Variants in ANAPC10 observed in about 807,000 individuals in gnomAD.
ANAPC10 encodes the protein anaphase promoting complex subunit 10.
In ANAPC10, 12 loss-of-function variants were observed where a neutral mutation model predicts 22.0. The observed-to-expected ratio is 0.55, with a 90% CI of 0.35 to 0.88. The LOEUF is 0.88. Ranked by LOEUF, ANAPC10 falls within the 40% of genes least tolerant of loss-of-function variation. The pLI, the probability that ANAPC10 is intolerant of heterozygous loss-of-function variation, is 0.01. For synonymous variants in ANAPC10, 65 were observed against 69.5 expected (o/e 0.94, Z 0.32); for missense variants, 188 against 220.9 (o/e 0.85, Z 0.94).
chr4:145,074,926 C>A (rs979439879), intron 3 of ANAPC10, among the ~76,000 whole-genome samples: 1 of 152,134 alleles, frequency 6.6e-6, no homozygotes, highest in Non-Finnish European at 1.5e-5. Flanking sequence ...AGTATAAATC[C>A]TTCAAATTAC....
At chr4:144,997,828 G>A (rs950768589) in intron 4 of ANAPC10, among the ~76,000 whole-genome samples, 1 of 152,090 alleles carries the variant, frequency 6.6e-6, no homozygotes, top group African/African-American at 2.4e-5. Context: ...GCTGCATTCA[G>A]GAGACCCATC....
intron 2 of ANAPC10, among the ~76,000 whole-genome samples, chr4:145,093,216 T>C (rs1404764873): frequency 1.3e-5 from 2 of 152,094 alleles, no homozygotes; most frequent in Non-Finnish European, 2.9e-5. Flanking sequence ...TAAGAAAATG[T>C]CTCTGGCACA....
intron 4 of ANAPC10, among the ~76,000 whole-genome samples, chr4:145,024,415 T>C (rs182886037): frequency 1.3e-5 from 2 of 152,350 alleles, no homozygotes; most frequent in East Asian, 1.9e-4. Context: ...TAATGCCTTA[T>C]GAAATGTATA....
At chr4:145,030,836 C>G (rs1346428184) in intron 4 of ANAPC10, among the ~76,000 whole-genome samples, 1 of 152,212 alleles carries the variant, frequency 6.6e-6, no homozygotes, top group East Asian at 1.9e-4. Context: ...GTGCCACCAT[C>G]AAGGACTTGA....
intron 4 of ANAPC10, among the ~76,000 whole-genome samples, chr4:145,012,174 G>GTA (rs201493778): frequency 0.23 from 30,237 of 132,652 alleles, 3,533 homozygotes; most frequent in East Asian, 0.36. Context: ...ATGTGTGTGT[G>GTA]TGTATATATA....
intron 4 of ANAPC10, among the ~76,000 whole-genome samples, chr4:145,026,945 A>ATATATATGTGTG (rs1287102797): frequency 1.3e-3 from 23 of 17,150 alleles, no homozygotes; most frequent in Non-Finnish European, 2.0e-3. Flanking sequence ...ATATATATAT[A>ATATATATGTGTG]TGTGTGTGTG....
intron 2 of ANAPC10, among the ~76,000 whole-genome samples, chr4:145,086,769 C>T (rs1486489820): frequency 6.6e-6 from 1 of 151,836 alleles, no homozygotes; most frequent in Non-Finnish European, 1.5e-5. Context: ...CCCAACTCCC[C>T]CCACCCTCAT....
intron 4 of ANAPC10, among the ~76,000 whole-genome samples, chr4:145,022,601 A>G (rs564475426): frequency 2.6e-5 from 4 of 152,114 alleles, no homozygotes; most frequent in African/African-American, 9.6e-5. Context: ...ATCACCACTA[A>G]AGAACTTACA....
At chr4:145,045,007 C>T (rs905136474) in intron 4 of ANAPC10, among the ~76,000 whole-genome samples, 1 of 151,646 alleles carries the variant, frequency 6.6e-6, no homozygotes, top group African/African-American at 2.4e-5. Flanking sequence ...AGCTATTATG[C>T]CTACTTTTGC....
chr4:145,064,373 A>G, intron 4 of ANAPC10, 199 bp downstream of exon 4: 1 of 375,616 alleles, frequency 2.7e-6, no homozygotes, highest in Non-Finnish European at 4.7e-6. Flanking sequence ...TGAAAATTTC[A>G]ATAATAAAAT....
chr4:145,069,648 G>A (rs1744204084), intron 3 of ANAPC10, among the ~76,000 whole-genome samples: 1 of 152,216 alleles, frequency 6.6e-6, no homozygotes, highest in African/African-American at 2.4e-5. Flanking sequence ...ATCTTAAAGA[G>A]TGGTCTGGGG....
intron 3 of ANAPC10, among the ~76,000 whole-genome samples, chr4:145,075,571 C>A (rs1036822671): frequency 6.6e-6 from 1 of 151,838 alleles, no homozygotes; most frequent in Admixed American, 6.6e-5. Context: ...ACCAAGCAGA[C>A]CCTGGGCTGA....
chr4:145,020,155 C>A (rs1735766945), intron 4 of ANAPC10, among the ~76,000 whole-genome samples: 1 of 152,132 alleles, frequency 6.6e-6, no homozygotes, highest in Admixed American at 6.6e-5. Context: ...AGACCCATAT[C>A]CCTGATGAAC....
chr4:145,064,538 G>A (rs749794176), intron 4 of ANAPC10, 34 bp downstream of exon 4: 3 of 1,558,930 alleles, frequency 1.9e-6, no homozygotes, highest in Non-Finnish European at 1.8e-6. Flanking sequence ...AAAAGTTAAA[G>A]GATGACATAT....
intron 2 of ANAPC10, among the ~76,000 whole-genome samples, chr4:145,082,859 G>A (rs1368816872): frequency 6.6e-6 from 1 of 152,242 alleles, no homozygotes; most frequent in East Asian, 1.9e-4. Flanking sequence ...TTTACACTAA[G>A]TAATATATTC....
intron 3 of ANAPC10, among the ~76,000 whole-genome samples, chr4:145,079,794 G>A (rs1745700712): frequency 6.6e-6 from 1 of 152,122 alleles, no homozygotes; most frequent in African/African-American, 2.4e-5. Context: ...AATATTGCAT[G>A]TTCTCACTTA....
Position 144,995,217 on chromosome 4 carries a change from G to T in ANAPC10, c.*156C>A. 1 of 452,136 alleles carries T rather than the reference G, an allele frequency of 2.2e-6. No homozygotes were observed. Among genetic ancestry groups the T allele is most frequent in the South Asian group, 5.7e-5 (1 of 17,550 alleles). The allele number at this position is 452,136 out of a possible 1,614,324, so 28.0% of individuals were successfully genotyped here. A position where few individuals can be genotyped will look rare whatever the true frequency, so the allele number is the denominator to read the frequency against. ...ATGTTAAAGAAAATAAAGATAATAT[G>T]ACCCCAAATTTATTTGTCAAAGTTA... On this transcript the variant is annotated 3_prime_UTR_variant, in exon 5 of 5. Transcript: ENST00000507656.
intron 3 of ANAPC10, among the ~76,000 whole-genome samples, chr4:145,074,711 A>G (rs900960984): frequency 1.3e-5 from 2 of 152,206 alleles, no homozygotes; most frequent in Non-Finnish European, 2.9e-5. Flanking sequence ...TCTAACCACC[A>G]TCTATACAAA....
intron 4 of ANAPC10, among the ~76,000 whole-genome samples, chr4:145,046,190 T>C (rs1387320087): frequency 6.6e-6 from 1 of 152,116 alleles, no homozygotes; most frequent in Non-Finnish European, 1.5e-5. Context: ...GCAATTAGGA[T>C]AGACAGCGCT....
Sources: allele counts gnomAD v4.1 joint callset (sites outside exome capture counted in the v4.1 genomes callset), GRCh38; gene constraint gnomAD v4.1.1; transcripts MANE v1.5; gene names NCBI Gene and HGNC (gene_info 2026-07-23, HGNC 2026-07-21).